Variants in NF1 observed in about 807,000 individuals in gnomAD.
The protein encoded by NF1 is neurofibromin.
In NF1, 122 loss-of-function variants were observed where a neutral mutation model predicts 325.7. The ratio of observed to expected loss-of-function variants is 0.37; its 90% CI spans 0.32 to 0.44. The LOEUF (loss-of-function observed/expected upper bound fraction) is 0.44, where lower values mean the gene tolerates loss of function less well. Among genes scored for constraint, NF1 ranks in the 20% least tolerant of loss-of-function variants. The pLI is 1.00. For missense variants in NF1, 2,140 were observed against 3,415.4 expected (o/e 0.63, Z 9.31); for synonymous variants, 1,091 against 1,186.0 (o/e 0.92, Z 1.65).
At chr17:31,236,158 C>T (rs1405936189) in intron 29 of NF1, 137 bp downstream of exon 29, 3 of 652,308 alleles carry the variant, frequency 4.6e-6, no homozygotes, top group Non-Finnish European at 8.0e-6. Flanking sequence ...AAGTTATATA[C>T]AAATACACGT....
chr17:31,129,576 C>T (rs1335136959), intron 1 of NF1, among the ~76,000 whole-genome samples: 2 of 151,492 alleles, frequency 1.3e-5, no homozygotes, highest in African/African-American at 4.9e-5. Flanking sequence ...ATTGCAGGTG[C>T]CTGCCACTAC....
At chr17:31,155,043 T>C (rs1597624694) in intron 1 of NF1, among the ~76,000 whole-genome samples, 1 of 152,286 alleles carries the variant, frequency 6.6e-6, no homozygotes, top group South Asian at 2.1e-4. Context: ...AGTATTTCTT[T>C]ACTATCAAAA....
intron 36 of NF1, among the ~76,000 whole-genome samples, chr17:31,276,082 G>A (rs1019981670): frequency 2.6e-5 from 4 of 151,758 alleles, no homozygotes; most frequent in East Asian, 1.9e-4. Flanking sequence ...GGTGGTATGC[G>A]CCTGTAGTCC....
At chr17:31,137,018 T>C (rs1915835610) in intron 1 of NF1, 1 of 152,218 alleles carries the variant, frequency 6.6e-6, no homozygotes, top group Admixed American at 6.5e-5. Context: ...TTAAAGATAC[T>C]ATTTCACTAT....
chr17:31,121,656 G>A lies in NF1; in HGVS notation c.60+26287G>A, dbSNP rs112049594. ...GAAGGGGTGTTGAATTTTATCAAAG[G>A]CCTTTTCTTCATCTATTGAGATAAT... On this transcript the variant is annotated intron_variant, in intron 1 of 57. Transcript: ENST00000358273. Among the ~76,000 whole-genome samples, 290 of 152,072 alleles carry A rather than the reference G, an allele frequency of 1.9e-3. 2 individuals are homozygous for A. The highest frequency in any genetic ancestry group is 6.4e-3 in the African/African-American group (266 of 41,470).
intron 1 of NF1, among the ~76,000 whole-genome samples, chr17:31,139,418 A>G (rs1916052097): frequency 6.7e-6 from 1 of 149,980 alleles, no homozygotes; most frequent in African/African-American, 2.5e-5. Context: ...ACACACGGTA[A>G]CTGTGATGAT....
intron 36 of NF1, among the ~76,000 whole-genome samples, chr17:31,290,744 G>A (rs1386763571): frequency 2.0e-5 from 3 of 152,100 alleles, no homozygotes; most frequent in African/African-American, 7.2e-5. Flanking sequence ...GGTGGCTCAC[G>A]CCTGTAATCC....
intron 3 of NF1, 34 bp from the exon 4 acceptor site, chr17:31,163,152 A>T (rs984194433): frequency 6.2e-7 from 1 of 1,605,754 alleles, no homozygotes; most frequent in Non-Finnish European, 8.5e-7. Context: ...AGGTAAAATT[A>T]AAGTTTAGAA....
At chr17:31,305,343 AG>A in intron 36 of NF1, 1 of 1,614,136 alleles carries the variant, frequency 6.2e-7, no homozygotes, top group Non-Finnish European at 8.5e-7. Context: ...CTGGTTTTTC[AG>A]AAGAGGTATA....
At chr17:31,188,581 G>A (rs1300435897) in intron 8 of NF1, among the ~76,000 whole-genome samples, 2 of 152,092 alleles carry the variant, frequency 1.3e-5, no homozygotes, top group Admixed American at 6.6e-5. Flanking sequence ...GACTTGTGAT[G>A]GTTAATACTA....
At chr17:31,122,183 A>T (rs1387267595) in intron 1 of NF1, among the ~76,000 whole-genome samples, 1 of 152,168 alleles carries the variant, frequency 6.6e-6, no homozygotes, top group South Asian at 2.1e-4. Flanking sequence ...TATAATAGGG[A>T]TGATCTGAGC....
intron 36 of NF1, among the ~76,000 whole-genome samples, chr17:31,281,000 T>A (rs1049702863): frequency 6.6e-6 from 1 of 152,170 alleles, no homozygotes; most frequent in Non-Finnish European, 1.5e-5. Flanking sequence ...AATATAGAAC[T>A]ATGAAATGCC....
In NF1 at chr17:31,345,635, C is replaced by T. The variant is rs1032790201; in HGVS notation, c.7189+2500C>T. 4.3e-6 allele frequency: 7 copies of T among 1,613,644 alleles called. No individual in the cohort carries two copies. The African/African-American group carries it at 9.3e-5, about 22-fold the overall frequency. ...TCCAGCATCTCTCCAGCGGCCACTT[C>T]TTGCGGGAGAACATCAAGGCCAGCA... On this transcript the variant is annotated intron_variant, in intron 48 of 57. Transcript: ENST00000358273.
intron 57 of NF1, among the ~76,000 whole-genome samples, chr17:31,364,148 G>A (rs1321110748): frequency 6.6e-6 from 1 of 152,160 alleles, no homozygotes; most frequent in African/African-American, 2.4e-5. Flanking sequence ...TAGCTGTATA[G>A]AAACCAAAAC....
chr17:31,293,697 C>T (rs1246301354), intron 36 of NF1, among the ~76,000 whole-genome samples: 1 of 151,050 alleles, frequency 6.6e-6, no homozygotes, highest in Admixed American at 6.6e-5. Flanking sequence ...CTTTCTCTAT[C>T]TTTTCCCACC....
At chr17:31,206,664 A>C (rs2066629463) in intron 12 of NF1, among the ~76,000 whole-genome samples, 1 of 98,532 alleles carries the variant, frequency 1.0e-5, no homozygotes, top group African/African-American at 2.6e-5. Context: ...TTTCTCCTTA[A>C]AACTTTTGAA....
chr17:31,104,220 T>C (rs1404546292), intron 1 of NF1, among the ~76,000 whole-genome samples: 1 of 152,098 alleles, frequency 6.6e-6, no homozygotes, highest in African/African-American at 2.4e-5. Context: ...GCTTTCAAAT[T>C]TGGTATTCTG....
intron 5 of NF1, among the ~76,000 whole-genome samples, chr17:31,170,456 G>T (rs1465031215): frequency 2.0e-5 from 3 of 152,152 alleles, no homozygotes; most frequent in Non-Finnish European, 4.4e-5. Flanking sequence ...TTTCATTTCT[G>T]ACATTTCTGT....
intron 36 of NF1, among the ~76,000 whole-genome samples, chr17:31,311,665 A>G (rs1217503117): frequency 2.0e-5 from 3 of 152,232 alleles, no homozygotes; most frequent in Non-Finnish European, 4.4e-5. Context: ...TATTTTAATT[A>G]GCTAGGTGGT....
Sources: gnomAD v4.1 joint callset for allele counts (sites outside exome capture counted in the v4.1 genomes callset) on GRCh38, gnomAD v4.1.1 for gene constraint, MANE v1.5 for transcripts, NCBI Gene and HGNC (gene_info 2026-07-23, HGNC 2026-07-21) for gene names.